The following ARPC2 variants were observed in gnomAD, a reference collection of about 807,000 sequenced individuals.
ARPC2 encodes actin-related protein 2/3 complex subunit 2.
ARPC2 carries 4 observed loss-of-function variants against 38.6 expected under a neutral mutation model. The observed-to-expected ratio is 0.10, with a 90% CI of 0.05 to 0.24. The LOEUF (loss-of-function observed/expected upper bound fraction) is 0.24. Among genes scored for constraint, ARPC2 ranks in the 10% least tolerant of loss-of-function variants. The pLI is 1.00. For missense variants in ARPC2, 229 were observed against 387.3 expected, an observed-to-expected ratio of 0.59 and a Z score of 3.43; for synonymous variants, 125 against 140.8, an observed-to-expected ratio of 0.89 and a Z score of 0.79.
rs376913304 is a variant in ARPC2, at chr2:218,254,108, TA to T, written c.*209del. Reference sequence around the variant, plus strand: ...CAAAGACTTCATAGTTCCCAAGAATTAAAAAAAAAAAAAAAAGAATTCCACT... The same window carrying T: ...CAAAGACTTCATAGTTCCCAAGAATTAAAAAAAAAAAAAAAGAATTCCACT... On this transcript the variant is annotated 3_prime_UTR_variant, in exon 11 of 11. Transcript: ENST00000315717. 99,483 of 418,366 alleles carry T rather than the reference TA, an allele frequency of 0.24. 20 individuals carry two copies. Among genetic ancestry groups the T allele is most frequent in the Middle Eastern group, 0.3 (449 of 1,518 alleles). 25.9% of individuals were successfully genotyped at this position (418,366 alleles called of 1,614,324 possible). A position where few individuals can be genotyped will look rare whatever the true frequency, so the allele number is the denominator to read the frequency against.
chr2:218,239,269 C>T (rs1490840741), intron 6 of ARPC2, 122 bp from the exon 7 acceptor site: 1 of 686,398 alleles, frequency 1.5e-6, no homozygotes, highest in East Asian at 2.7e-5. Context: ...TCATTTGGCA[C>T]ACCTTTATAT....
At chr2:218,226,802 GGTTTTTTTGTTGT>G (rs1423247586) in intron 3 of ARPC2, among the ~76,000 whole-genome samples, 1 of 151,286 alleles carries the variant, frequency 6.6e-6, no homozygotes, top group Admixed American at 6.6e-5. Flanking sequence ...GTAAAACTGA[GGTTTTTTTGTTGT>G]GTTTTTTTTT....
At chr2:218,221,027 A>G (rs1689371679) in intron 2 of ARPC2, among the ~76,000 whole-genome samples, 1 of 152,226 alleles carries the variant, frequency 6.6e-6, no homozygotes, top group South Asian at 2.1e-4. Flanking sequence ...CCTCAAAGCA[A>G]AAGTAATCAG....
chr2:218,226,033 G>T, intron 3 of ARPC2, 79 bp downstream of exon 3: 1 of 1,449,456 alleles, frequency 6.9e-7, no homozygotes, highest in South Asian at 1.1e-5. Context: ...AGTGGCACAT[G>T]CCTGTAATCC....
chr2:218,217,707 C>T (rs915922373), intron 2 of ARPC2, among the ~76,000 whole-genome samples, 163 bp downstream of exon 2: 2 of 152,172 alleles, frequency 1.3e-5, no homozygotes, highest in African/African-American at 4.8e-5. Context: ...TTGGGCGCGG[C>T]CGGGCGAGGG....
chr2:218,246,493 G>A (rs963585641), intron 8 of ARPC2, among the ~76,000 whole-genome samples: 4 of 152,118 alleles, frequency 2.6e-5, no homozygotes, highest in Non-Finnish European at 1.5e-5. Context: ...TCACACCATT[G>A]CACTCCAGCC....
At chr2:218,245,663 A>G (rs568880139) in intron 8 of ARPC2, 117 bp downstream of exon 8, 10 of 1,389,488 alleles carry the variant, frequency 7.2e-6, no homozygotes, top group South Asian at 6.7e-5. Context: ...AGGCATACCA[A>G]CTTGTTCCTG....
chr2:218,239,077 CTT>C, intron 6 of ARPC2: 1 of 564,990 alleles, frequency 1.8e-6, no homozygotes, highest in Non-Finnish European at 3.1e-6. Context: ...CAGTGCTTTC[CTT>C]TAAGGCACCA....
At chr2:218,220,281 A>G (rs1052706031) in intron 2 of ARPC2, among the ~76,000 whole-genome samples, 4 of 152,214 alleles carry the variant, frequency 2.6e-5, no homozygotes, top group African/African-American at 9.6e-5. Flanking sequence ...GGGGGAAATT[A>G]CAGTTCGGAG....
intron 10 of ARPC2, among the ~76,000 whole-genome samples, chr2:218,253,395 G>A (rs140525687): frequency 1.2e-4 from 18 of 152,320 alleles, no homozygotes; most frequent in East Asian, 9.6e-4. Flanking sequence ...GAGTCACCAC[G>A]TGATAGCAGA....
chr2:218,223,171 A>C (rs1184344009), intron 2 of ARPC2, among the ~76,000 whole-genome samples: 1 of 152,238 alleles, frequency 6.6e-6, no homozygotes, highest in Non-Finnish European at 1.5e-5. Context: ...TATTAAATGG[A>C]AAATCCCAGA....
At chr2:218,236,869 G>A (rs984156881) in intron 5 of ARPC2, 7 of 152,044 alleles carry the variant, frequency 4.6e-5, no homozygotes, top group African/African-American at 1.7e-4. Flanking sequence ...ATACTTAGAA[G>A]TGTGAAAGCC....
chr2:218,226,412 G>A (rs1044743144), intron 3 of ARPC2, among the ~76,000 whole-genome samples: 27 of 151,698 alleles, frequency 1.8e-4, no homozygotes, highest in Non-Finnish European at 3.1e-4. Flanking sequence ...GGCGGATCAC[G>A]ACGTCAGGAG....
intron 2 of ARPC2, among the ~76,000 whole-genome samples, chr2:218,222,955 G>A (rs565897994): frequency 1.3e-5 from 2 of 152,220 alleles, no homozygotes; most frequent in African/African-American, 4.8e-5. Flanking sequence ...TATTTGTATG[G>A]CACATTTGGG....
intron 3 of ARPC2, chr2:218,226,958 C>T: frequency 2.2e-6 from 1 of 455,800 alleles, no homozygotes; most frequent in South Asian, 1.6e-5. Flanking sequence ...TTTCTGTTCC[C>T]TATAAAGAAT....
chr2:218,221,235 G>C (rs558414221), intron 2 of ARPC2, among the ~76,000 whole-genome samples: 56 of 152,340 alleles, frequency 3.7e-4, no homozygotes, highest in Admixed American at 1.4e-3. Flanking sequence ...GGTTCCATGG[G>C]GGGGAGTGAA....
At chr2:218,240,041 G>A (rs546268932) in intron 7 of ARPC2, among the ~76,000 whole-genome samples, 60 of 152,104 alleles carry the variant, frequency 3.9e-4, no homozygotes, top group African/African-American at 1.3e-3. Flanking sequence ...TGCAACCTCC[G>A]CTTCCTGGGT....
rs79155237 is a variant in ARPC2, at chr2:218,251,919, A to G, written c.879-1972A>G. Among the ~76,000 whole-genome samples the G allele has an allele frequency of 7.8e-3, 1,193 of 152,026 alleles. 17 individuals carry two copies. Among genetic ancestry groups the G allele is most frequent in the African/African-American group, 0.027 (1,133 of 41,498 alleles). On this transcript the variant is annotated intron_variant, in intron 10 of 10. Coordinates refer to ENST00000315717, the MANE Select transcript of ARPC2 (RefSeq NM_152862.3). ...GAGCAGTAGGTGAGGGTTTTCAGAC[A>G]TTGTCAAAAAGCAGTTTAAGGCCAG...
chr2:218,228,676 C>T (rs1574579423), intron 3 of ARPC2, 62 bp from the exon 4 acceptor site: 6 of 1,037,352 alleles, frequency 5.8e-6, no homozygotes, highest in East Asian at 2.4e-5. Context: ...GCAAGGTAGG[C>T]GCTTGGAGAG....
Sources: allele counts gnomAD v4.1 joint callset (sites outside exome capture counted in the v4.1 genomes callset), GRCh38; gene constraint gnomAD v4.1.1; transcripts MANE v1.5; gene names NCBI Gene and HGNC (gene_info 2026-07-23, HGNC 2026-07-21).